MYO16: variants seen among roughly 807,000 people sequenced by gnomAD.
MYO16 encodes the protein myosin XVI.
In MYO16, 94 loss-of-function variants were observed where a neutral mutation model predicts 205.3. The observed-to-expected ratio is 0.46, with a 90% CI of 0.39 to 0.54. The LOEUF is 0.54. Ranked by LOEUF, MYO16 falls within the 20% of genes least tolerant of loss-of-function variation. The pLI, the probability that MYO16 is intolerant of heterozygous loss-of-function variation, is 0.00. For missense variants in MYO16, 2,315 were observed against 2,387.5 expected, an observed-to-expected ratio of 0.97 and a Z score of 0.63; for synonymous variants, 988 against 954.0, an observed-to-expected ratio of 1.04 and a Z score of -0.66.
chr13:108,911,342 G>A (rs1301876430), intron 16 of MYO16, among the ~76,000 whole-genome samples: 1 of 152,112 alleles, frequency 6.6e-6, no homozygotes, highest in Non-Finnish European at 1.5e-5. Flanking sequence ...AAATAAATGA[G>A]GGTTGGGGAA....
intron 1 of MYO16, among the ~76,000 whole-genome samples, chr13:108,612,140 T>C (rs1879199937): frequency 6.6e-6 from 1 of 152,148 alleles, no homozygotes; most frequent in African/African-American, 2.4e-5. Context: ...ATGGATAAGA[T>C]ATGAACATTT....
intron 31 of MYO16, among the ~76,000 whole-genome samples, chr13:109,134,162 A>G (rs950610586): frequency 6.6e-6 from 1 of 152,224 alleles, no homozygotes; most frequent in African/African-American, 2.4e-5. Context: ...ACCTAGTAGG[A>G]CTGTCATCAT....
At chr13:108,832,144 A>AT (rs10635580) in intron 9 of MYO16, among the ~76,000 whole-genome samples, 32,333 of 134,246 alleles carry the variant, frequency 0.24, 4,680 homozygotes, top group East Asian at 0.64. Flanking sequence ...TTCCGTATGG[A>AT]TTTTTTTTTT....
chr13:108,884,521 G>C (rs897308358), intron 13 of MYO16, among the ~76,000 whole-genome samples: 1 of 152,150 alleles, frequency 6.6e-6, no homozygotes, highest in Non-Finnish European at 1.5e-5. Flanking sequence ...TCAAGGATGA[G>C]AAAAGCACTG....
intron 4 of MYO16, among the ~76,000 whole-genome samples, chr13:108,735,591 T>A: frequency 6.6e-6 from 1 of 151,012 alleles, no homozygotes; most frequent in Admixed American, 6.6e-5. Flanking sequence ...TGAATAGTGC[T>A]GCAATAAACA....
At chr13:108,528,049 C>T in the MYO16 span, among the ~76,000 whole-genome samples, 3 of 152,064 alleles carry the variant, frequency 2.0e-5, no homozygotes, top group Admixed American at 2.0e-4. Context: ...AAATTGGTAA[C>T]TACAGGATCT....
At chr13:108,804,785 G>A (rs568497872) in intron 6 of MYO16, among the ~76,000 whole-genome samples, 1 of 152,126 alleles carries the variant, frequency 6.6e-6, no homozygotes, top group Non-Finnish European at 1.5e-5. Context: ...CTCCACAAAG[G>A]TCACTGGTAG....
intron 15 of MYO16, among the ~76,000 whole-genome samples, chr13:108,903,617 A>G (rs1020066785): frequency 1.1e-4 from 17 of 152,342 alleles, no homozygotes; most frequent in Non-Finnish European, 1.9e-4. Flanking sequence ...TTTAAGAATG[A>G]AATCATCACT....
At chr13:108,648,049 G>C (rs115112226) in intron 1 of MYO16, among the ~76,000 whole-genome samples, 1 of 152,192 alleles carries the variant, frequency 6.6e-6, no homozygotes, top group African/African-American at 2.4e-5. Flanking sequence ...GGGAAAGGAA[G>C]AATACTGATT....
chr13:109,127,688 T>A lies in MYO16; in HGVS notation c.4051+138T>A. The stretch of plus-strand genomic sequence containing the variant: ...ATCCAATTGTTGGCTTGCCAGCAGC[T>A]CTTAATCATTAAATATAAATAATAT... On this transcript the variant is annotated intron_variant, in intron 31 of 34. Transcript: ENST00000457511. This position sits in a 1 kb window ranked among gnomAD's most constrained non-coding sequence, Gnocchi z 4.2. 1 of 802,296 alleles carries A rather than the reference T, an allele frequency of 1.2e-6. No individual in the cohort carries two copies. The highest frequency in any genetic ancestry group is 1.9e-6 in the Non-Finnish European group (1 of 527,384). The allele number at this position is 802,296 out of a possible 1,614,324, so 49.7% of individuals were successfully genotyped here.
chr13:108,752,809 T>TC (rs1491246987), intron 4 of MYO16, among the ~76,000 whole-genome samples: 564 of 3,390 alleles, frequency 0.17, 53 homozygotes, highest in South Asian at 0.24. Flanking sequence ...GCCCAGCTAA[T>TC]TTTTTTTTTT....
rs544467537 is a variant in MYO16 at position 109,066,228 on chromosome 13, T to A, written c.3335+10633T>A. On this transcript the variant is annotated intron_variant, in intron 27 of 34. Transcript: ENST00000457511. ...GCTAGAGAAACAGCCTGTGCTGGAG[T>A]CTTTTAAAAGTCTGCCTTGTTACAT... Among the ~76,000 whole-genome samples, 11 of 152,214 alleles carry A rather than the reference T, an allele frequency of 7.2e-5. No individual in the cohort carries two copies. In the South Asian group the frequency reaches 1.7e-3, roughly 23 times the overall value.
At chr13:108,608,806 C>A (rs928320228) in intron 1 of MYO16, among the ~76,000 whole-genome samples, 3 of 152,024 alleles carry the variant, frequency 2.0e-5, no homozygotes, top group African/African-American at 7.2e-5. Context: ...CCATGCCCAG[C>A]TAATTTTTTG....
chr13:108,746,851 G>T (rs551280625), intron 4 of MYO16, among the ~76,000 whole-genome samples: 1 of 152,112 alleles, frequency 6.6e-6, no homozygotes, highest in South Asian at 2.1e-4. Flanking sequence ...CTTTACTTAA[G>T]TATAGCATAT....
the MYO16 span, among the ~76,000 whole-genome samples, chr13:108,502,204 C>T: frequency 6.6e-6 from 1 of 151,780 alleles, no homozygotes; most frequent in Non-Finnish European, 1.5e-5. Flanking sequence ...CAGAATGAGA[C>T]TCCATCTCAA....
chr13:108,737,415 G>C (rs1373251636), intron 4 of MYO16, among the ~76,000 whole-genome samples: 1 of 152,090 alleles, frequency 6.6e-6, no homozygotes, highest in Non-Finnish European at 1.5e-5. Flanking sequence ...TTTGTCTTTG[G>C]TTCTGTTTAT....
chr13:108,747,656 C>A lies in MYO16; in HGVS notation c.507+20073C>A, dbSNP rs780400946. ...CAAATGTAATACATGGAAATAGTTACAAACACACAGATTAACACAACTATG... is the reference window on the plus strand; with the variant it reads ...CAAATGTAATACATGGAAATAGTTAAAAACACACAGATTAACACAACTATG... On this transcript the variant is annotated intron_variant, in intron 4 of 34. Coordinates refer to ENST00000457511, the MANE Select transcript of MYO16 (RefSeq NM_001198950.3). Among the ~76,000 whole-genome samples the A allele has an allele frequency of 2.6e-5, 4 of 152,040 alleles. No individual in the cohort carries two copies. In the East Asian group the frequency reaches 7.7e-4, roughly 29 times the overall value.
intron 23 of MYO16, among the ~76,000 whole-genome samples, chr13:109,022,313 T>TACAA (rs1886068972): frequency 1.1e-4 from 2 of 17,438 alleles, no homozygotes; most frequent in African/African-American, 6.7e-4. Flanking sequence ...TATATTTATA[T>TACAA]ATTATATACA....
intron 6 of MYO16, 65 bp from the exon 7 acceptor site, chr13:108,806,614 C>T: frequency 6.9e-7 from 1 of 1,452,444 alleles, no homozygotes; most frequent in East Asian, 2.3e-5. Flanking sequence ...CTTTAAACCA[C>T]TGAGTGAACT....
Sources: gnomAD v4.1 joint callset for allele counts (sites outside exome capture counted in the v4.1 genomes callset) on GRCh38, gnomAD v4.1.1 for gene constraint, Gnocchi (gnomAD v3.1) non-coding constraint, MANE v1.5 for transcripts, NCBI Gene and HGNC (gene_info 2026-07-23, HGNC 2026-07-21) for gene names.